The following RALGPS1 variants were observed in gnomAD, a reference collection of about 807,000 sequenced individuals.
The protein encoded by RALGPS1 is Ral GEF with PH domain and SH3 binding motif 1.
In RALGPS1, 19 loss-of-function variants were observed where a neutral mutation model predicts 78.8. That is an observed-to-expected ratio of 0.24 (90% CI 0.17 to 0.35). The LOEUF (loss-of-function observed/expected upper bound fraction) is 0.35, where lower values mean the gene tolerates loss of function less well. Ranked by LOEUF, RALGPS1 falls within the 10% of genes least tolerant of loss-of-function variation. The pLI is 1.00. For synonymous variants in RALGPS1, 228 were observed against 256.3 expected, an observed-to-expected ratio of 0.89 and a Z score of 1.06; for missense variants, 454 against 688.3, an observed-to-expected ratio of 0.66 and a Z score of 3.81.
intron 4 of RALGPS1, among the ~76,000 whole-genome samples, chr9:127,021,937 G>C (rs1249802884): frequency 6.6e-6 from 1 of 152,052 alleles, no homozygotes; most frequent in Non-Finnish European, 1.5e-5. Context: ...GGGCTGGAGA[G>C]GGAAGGTTTT....
At chr9:126,967,398 G>T (rs693009) in intron 3 of RALGPS1, among the ~76,000 whole-genome samples, 4,178 of 152,170 alleles carry the variant, frequency 0.027, 53 homozygotes, top group Middle Eastern at 0.048. Context: ...CTCTTCCTTA[G>T]TTGTCTGCTC....
Position 127,025,074 on chromosome 9 carries a change from TC to T in RALGPS1, c.217-9355del, listed in dbSNP as rs144943333. Among the ~76,000 whole-genome samples, 907 of 152,342 alleles carry T rather than the reference TC, an allele frequency of 6.0e-3. 31 individuals are homozygous for T. The East Asian group carries it at 0.088, about 15-fold the overall frequency. On this transcript the variant is annotated intron_variant, in intron 4 of 18. Transcript: ENST00000259351. ...TAGCCAGTTTGCCTCCTGTTCCCAG[TC>T]CTTGGCAACCAAGGATCTAATTCCT... is the stretch of plus-strand genomic sequence containing the variant.
intron 8 of RALGPS1, among the ~76,000 whole-genome samples, chr9:127,140,828 G>A (rs1040052998): frequency 2.0e-5 from 3 of 152,206 alleles, no homozygotes; most frequent in African/African-American, 7.2e-5. Flanking sequence ...ACTTGGGCGA[G>A]GGTGGAACAT....
intron 7 of RALGPS1, among the ~76,000 whole-genome samples, chr9:127,060,550 A>G (rs186370040): frequency 7.8e-4 from 119 of 151,762 alleles, no homozygotes; most frequent in African/African-American, 2.8e-3. Flanking sequence ...TGTTATTAAT[A>G]TTTTCAACTC....
intron 7 of RALGPS1, among the ~76,000 whole-genome samples, chr9:127,060,792 A>G (rs138346398): frequency 3.3e-5 from 5 of 152,210 alleles, no homozygotes; most frequent in African/African-American, 1.2e-4. Context: ...CCCCTCGTCC[A>G]CCTTGCTAGG....
chr9:127,101,255 C>T lies in RALGPS1; in HGVS notation c.610+31899C>T, dbSNP rs1443652269. Among the ~76,000 whole-genome samples the T allele has an allele frequency of 2.0e-5, 3 of 152,210 alleles. No individual in the cohort carries two copies. In the East Asian group the frequency reaches 5.8e-4, roughly 29 times the overall value. On this transcript the variant is annotated intron_variant, in intron 8 of 18. Coordinates refer to ENST00000259351, the MANE Select transcript of RALGPS1 (RefSeq NM_014636.3). The stretch of plus-strand genomic sequence containing the variant: ...ACCGTTTCATTTCATCCTCATAAGC[C>T]CCTGCACCTGTGAGAAAGCCAGGGC...
rs554649729 is a variant in RALGPS1 at position 126,987,991 on chromosome 9, G to A, written c.216+10246G>A. ...GAAGCCAGGAGAACGGGGTGGCCAAGAGCATCGCAAAAGCAGAAAGATTCA... is the reference window on the plus strand; with the variant it reads ...GAAGCCAGGAGAACGGGGTGGCCAAAAGCATCGCAAAAGCAGAAAGATTCA... On this transcript the variant is annotated intron_variant, in intron 4 of 18. Coordinates refer to ENST00000259351, the MANE Select transcript of RALGPS1 (RefSeq NM_014636.3). 1.9e-3 allele frequency among the ~76,000 whole-genome samples: 294 copies of A among 152,336 alleles called. 1 individual carries two copies. The highest frequency in any genetic ancestry group is 6.6e-3 in the African/African-American group (275 of 41,580).
chr9:126,916,578 C>T (rs1054659886), intron 1 of RALGPS1, among the ~76,000 whole-genome samples: 4 of 152,072 alleles, frequency 2.6e-5, no homozygotes, highest in East Asian at 1.9e-4. Flanking sequence ...GTCAGGAGTC[C>T]GAGACCAGCC....
chr9:126,968,127 C>T (rs1169735445), intron 3 of RALGPS1, among the ~76,000 whole-genome samples: 5 of 151,810 alleles, frequency 3.3e-5, no homozygotes, highest in Non-Finnish European at 2.9e-5. Context: ...CTCAGCCTCC[C>T]GAGTAGCTGG....
Position 127,191,076 on chromosome 9 carries a change from G to T in RALGPS1, c.911-4015G>T, listed in dbSNP as rs143524276. Among the ~76,000 whole-genome samples, 173 of 152,182 alleles carry T rather than the reference G, an allele frequency of 1.1e-3. 1 individual carries two copies. The highest frequency in any genetic ancestry group is 4.1e-3 in the African/African-American group (170 of 41,534). The stretch of plus-strand genomic sequence containing the variant: ...TTCATATCTTTTGCTTGTTCTCTCT[G>T]TGTGGTTTGTCCTTTCTTACAGATA... On this transcript the variant is annotated intron_variant, in intron 11 of 18. Coordinates refer to ENST00000259351, the MANE Select transcript of RALGPS1 (RefSeq NM_014636.3).
chr9:127,034,504 G>T lies in RALGPS1; in HGVS notation c.290G>T (p.Arg97Met). Reference sequence around the variant, plus strand: ...CCTAACGTTGTGGCCTTTACCCGGAGGTTTAACCAGGTAAGCAACACCCCT... The same window carrying T: ...CCTAACGTTGTGGCCTTTACCCGGATGTTTAACCAGGTAAGCAACACCCCT... ...LAPNVVAFTR[R>M]FNQVSFWVVR... is the part of the protein sequence containing the mutation. The change falls in exon 5 of 19, where the codon AGG (arginine) becomes ATG (methionine). Residue 97 changes from arginine (R) to methionine (M), a missense_variant. By Grantham distance (91) the Arg-to-Met change is moderately conservative. Transcript: ENST00000259351. 6.2e-7 allele frequency: 1 copy of T among 1,613,884 alleles called. No homozygotes were observed.
intron 14 of RALGPS1, among the ~76,000 whole-genome samples, chr9:127,201,848 G>A (rs888200793): frequency 4.6e-5 from 7 of 152,188 alleles, no homozygotes; most frequent in Non-Finnish European, 8.8e-5. Context: ...TCCCCTCCTC[G>A]GAGACCCCAC....
intron 11 of RALGPS1, among the ~76,000 whole-genome samples, chr9:127,189,492 G>A (rs1202391620): frequency 6.6e-6 from 1 of 152,196 alleles, no homozygotes; most frequent in Admixed American, 6.5e-5. Flanking sequence ...GGTTCTGGAC[G>A]CATGCTTGGT....
At position 127,091,718 on chromosome 9, in the gene RALGPS1, T is replaced by C. The variant is rs1332028299; in HGVS notation, c.610+22362T>C. The C allele has an allele frequency of 6.2e-7, 1 of 1,614,096 alleles. No individual in the cohort carries two copies. On this transcript the variant is annotated intron_variant, in intron 8 of 18. Transcript: ENST00000259351. The surrounding 1 kb of genome is among the most constrained non-coding windows in gnomAD (Gnocchi z 4.3). Reference sequence around the variant, plus strand: ...TCCAGGGTGGTGAACTGCTTGCCGTTGTGCCATGTAAAGGAGTCACCCGCA... The same window carrying C: ...TCCAGGGTGGTGAACTGCTTGCCGTCGTGCCATGTAAAGGAGTCACCCGCA...
At chr9:126,974,533 C>CT (rs142882591) in intron 3 of RALGPS1, among the ~76,000 whole-genome samples, 26,272 of 150,342 alleles carry the variant, frequency 0.17, 2,975 homozygotes, top group East Asian at 0.44. Context: ...ATGCAAAAAA[C>CT]TTTTTTTTTT....
chr9:126,946,328 G>A (rs1247004182), intron 1 of RALGPS1, among the ~76,000 whole-genome samples: 3 of 152,324 alleles, frequency 2.0e-5, no homozygotes, highest in South Asian at 2.1e-4. Flanking sequence ...GAGGTCAGGA[G>A]TTCGAGACCA....
Position 127,222,006 on chromosome 9 carries a change from T to C in RALGPS1, c.*3237T>C, listed in dbSNP as rs1170557108. On this transcript the variant is annotated 3_prime_UTR_variant, in exon 19 of 19. Transcript: ENST00000259351. ...ACTTAAATCAGCTTTACATCATTTTTACATATCAAGTGGTTTCATGTTAAA... is the reference window on the plus strand; with the variant it reads ...ACTTAAATCAGCTTTACATCATTTTCACATATCAAGTGGTTTCATGTTAAA... 1.3e-5 allele frequency: 2 copies of C among 152,240 alleles called. No individual in the cohort carries two copies. The highest frequency in any genetic ancestry group is 4.8e-5 in the African/African-American group (2 of 41,456). 9.4% of individuals were successfully genotyped at this position (152,240 alleles called of 1,614,324 possible).
intron 8 of RALGPS1, among the ~76,000 whole-genome samples, chr9:127,077,548 C>T (rs1199176065): frequency 1.3e-5 from 2 of 152,216 alleles, no homozygotes; most frequent in African/African-American, 4.8e-5. Flanking sequence ...GTGGCCGTTG[C>T]CCCCTTGATG....
At chr9:126,924,774 G>T (rs1214245653) in intron 1 of RALGPS1, among the ~76,000 whole-genome samples, 1 of 152,224 alleles carries the variant, frequency 6.6e-6, no homozygotes. Context: ...CATCCATGCA[G>T]TTCTTGTCCA....
Sources: allele counts gnomAD v4.1 joint callset (sites outside exome capture counted in the v4.1 genomes callset), GRCh38; gene constraint gnomAD v4.1.1; non-coding constraint Gnocchi (gnomAD v3.1); transcripts MANE v1.5; gene names NCBI Gene and HGNC (gene_info 2026-07-23, HGNC 2026-07-21).